AFAP1L2: variants seen among roughly 807,000 people sequenced by gnomAD.
AFAP1L2 encodes the protein actin filament associated protein 1 like 2.
A neutral mutation model predicts 99.3 loss-of-function variants in AFAP1L2; 46 were observed. That is an observed-to-expected ratio of 0.46 (90% CI 0.37 to 0.59). AFAP1L2 has a LOEUF of 0.59. AFAP1L2 is among the 20% of genes least tolerant of loss of function. AFAP1L2 has a pLI of 0.00. For missense variants in AFAP1L2, 959 were observed against 1,034.9 expected (o/e 0.93, Z 1.01); for synonymous variants, 397 against 419.1 (o/e 0.95, Z 0.64).
rs776631893 is a variant in AFAP1L2 at position 114,340,616 on chromosome 10, G to A, written c.132C>T (p.Tyr44=). 8 of 1,613,996 alleles carry A rather than the reference G, an allele frequency of 5.0e-6. No homozygotes were observed. The South Asian group carries it at 7.7e-5, about 16-fold the overall frequency. ...KSCLAELLRL[Y]TKSSSSDEEY... ...GCCCACACTCACTGCTGCTTTTGGT[G>A]TAAAGCCGGAGGAGCTCCGCCAGGC... Residue 44 remains tyrosine, a synonymous_variant, in exon 2 of 19, where the codon TAC becomes TAT. Coordinates refer to ENST00000304129, the MANE Select transcript of AFAP1L2 (RefSeq NM_001001936.3).
chr10:114,293,764 C>T (rs1022181614), downstream of AFAP1L2, among the ~76,000 whole-genome samples: 1 of 152,166 alleles, frequency 6.6e-6, no homozygotes, highest in Admixed American at 6.5e-5. Flanking sequence ...TAATAATTGA[C>T]TCTTGCTTTT....
chr10:114,325,772 G>T, intron 4 of AFAP1L2: 1 of 1,038,980 alleles, frequency 9.6e-7, no homozygotes, highest in Non-Finnish European at 1.2e-6. Context: ...AGCCTTTCCT[G>T]GTCCCCCTGG....
intron 1 of AFAP1L2, among the ~76,000 whole-genome samples, chr10:114,384,928 CTG>C (rs1313861424): frequency 3.3e-5 from 5 of 152,350 alleles, no homozygotes; most frequent in Non-Finnish European, 7.3e-5. Context: ...AGATGCCCAC[CTG>C]TGTGCCAGAC....
At chr10:114,281,143 CCT>C in the AFAP1L2 span, 1 of 152,238 alleles carries the variant, frequency 6.6e-6, no homozygotes, top group Non-Finnish European at 1.5e-5. Flanking sequence ...TTGGCCTGCC[CCT>C]GTGTGGGCAG....
chr10:114,323,625 A>C (rs2045740528), intron 4 of AFAP1L2, among the ~76,000 whole-genome samples: 1 of 152,236 alleles, frequency 6.6e-6, no homozygotes, highest in Non-Finnish European at 1.5e-5. Flanking sequence ...TGTGGCTTTT[A>C]AATAGAATAT....
chr10:114,290,011 G>A, downstream of AFAP1L2: 2 of 321,306 alleles, frequency 6.2e-6, no homozygotes, highest in South Asian at 1.1e-4. Context: ...AAAAAAAAAA[G>A]TCTGCCATGT....
chr10:114,312,234 A>AGTGTGTGT (rs58275552), intron 7 of AFAP1L2, among the ~76,000 whole-genome samples: 11 of 145,612 alleles, frequency 7.6e-5, no homozygotes, highest in African/African-American at 2.6e-4. Context: ...GCAAGAGCAG[A>AGTGTGTGT]GTGTGTGTGT....
At chr10:114,329,923 C>T (rs568013284) in intron 4 of AFAP1L2, among the ~76,000 whole-genome samples, 1 of 152,254 alleles carries the variant, frequency 6.6e-6, no homozygotes, top group South Asian at 2.1e-4. Flanking sequence ...AAAACAGTGA[C>T]AAAAATACCC....
chr10:114,294,622 CAGATGTTTCCTGT>C (rs2039908080), downstream of AFAP1L2, among the ~76,000 whole-genome samples: 1 of 152,148 alleles, frequency 6.6e-6, no homozygotes, highest in Admixed American at 6.5e-5. Flanking sequence ...TCAATTTCTG[CAGATGTTTCCTGT>C]GTCTTTGGTA....
At chr10:114,289,595 C>T in the AFAP1L2 span, 1 of 1,328,138 alleles carries the variant, frequency 7.5e-7, no homozygotes, top group East Asian at 2.3e-5. Context: ...AGCTACTGAG[C>T]ACTTGCTTCC....
rs1282454519 is a variant in AFAP1L2 at position 114,314,060 on chromosome 10, AAG to A, written c.613-12_613-11del. On this transcript the variant is annotated splice_polypyrimidine_tract_variant and intron_variant, in intron 6 of 18. Coordinates refer to ENST00000304129, the MANE Select transcript of AFAP1L2 (RefSeq NM_001001936.3). ...TGGAGGATTTGTAGCACTGGAAGGAAAGAGAGAAGATACACCACTTTGCCAGG... is the reference window on the plus strand; with the variant it reads ...TGGAGGATTTGTAGCACTGGAAGGAAAGAGAAGATACACCACTTTGCCAGG... 4 of 1,606,252 alleles carry A rather than the reference AAG, an allele frequency of 2.5e-6. No homozygotes were observed. Among genetic ancestry groups the A allele is most frequent in the Non-Finnish European group, 2.6e-6 (3 of 1,173,824 alleles).
chr10:114,282,305 A>G, the AFAP1L2 span, among the ~76,000 whole-genome samples: 1 of 151,770 alleles, frequency 6.6e-6, no homozygotes, highest in South Asian at 2.1e-4. Flanking sequence ...CTCCCAGCCT[A>G]TTTTTTTTAA....
intron 1 of AFAP1L2, among the ~76,000 whole-genome samples, chr10:114,349,555 GAA>G (rs200302338): frequency 3.2e-4 from 39 of 123,762 alleles, no homozygotes; most frequent in Admixed American, 1.0e-3. Context: ...TTGTCGCTTG[GAA>G]AAAAAAAAAA....
At chr10:114,327,751 G>A (rs1490683861) in intron 4 of AFAP1L2, among the ~76,000 whole-genome samples, 1 of 152,222 alleles carries the variant, frequency 6.6e-6, no homozygotes, top group African/African-American at 2.4e-5. Flanking sequence ...GGATGTTACA[G>A]ATCAGATTTG....
intron 10 of AFAP1L2, among the ~76,000 whole-genome samples, chr10:114,306,315 CCAGGAGGGGACGCGGGGG>C (rs1238037468): frequency 1.8e-3 from 15 of 8,312 alleles, no homozygotes; most frequent in African/African-American, 2.9e-3. Context: ...GGACGCAGAT[CCAGGAGGGGACGCGGGGG>C]CAGGAGGGGA....
At chr10:114,286,086 T>G in the AFAP1L2 span, 6 of 1,613,876 alleles carry the variant, frequency 3.7e-6, no homozygotes, top group Non-Finnish European at 5.1e-6. Context: ...CGGGCCCGAG[T>G]GGGTGTGGCC....
chr10:114,376,996 G>C, intron 1 of AFAP1L2, among the ~76,000 whole-genome samples: 1 of 152,154 alleles, frequency 6.6e-6, no homozygotes, highest in East Asian at 1.9e-4. Context: ...CTCACCTGCT[G>C]ACCCAACACA....
intron 2 of AFAP1L2, among the ~76,000 whole-genome samples, chr10:114,338,823 A>C (rs968857255): frequency 1.3e-5 from 2 of 152,254 alleles, no homozygotes; most frequent in African/African-American, 4.8e-5. Context: ...ATCAGGACGC[A>C]AGGGTATACA....
chr10:114,301,745 T>G, intron 12 of AFAP1L2: 9 of 448,084 alleles, frequency 2.0e-5, no homozygotes, highest in Admixed American at 6.8e-5. Context: ...TTCTCCCCCA[T>G]TCCTCCCTTC....
Sources: gnomAD v4.1 joint callset for allele counts (sites outside exome capture counted in the v4.1 genomes callset) on GRCh38, gnomAD v4.1.1 for gene constraint, MANE v1.5 for transcripts, NCBI Gene and HGNC (gene_info 2026-07-23, HGNC 2026-07-21) for gene names.